Variants in AGBL4 observed in about 807,000 individuals in gnomAD.
AGBL4 encodes the protein cytosolic carboxypeptidase 6.
AGBL4 carries 58 observed loss-of-function variants against 66.4 expected under a neutral mutation model. The observed-to-expected ratio is 0.87, with a 90% CI of 0.71 to 1.09. The LOEUF is 1.09. Among genes scored for constraint, AGBL4 ranks in the 50% least tolerant of loss-of-function variants. The pLI is 0.00. For synonymous variants in AGBL4, 234 were observed against 222.9 expected (o/e 1.05, Z -0.44); for missense variants, 579 against 631.0 (o/e 0.92, Z 0.88).
At chr1:48,668,281 C>T (rs538427768) in intron 6 of AGBL4, among the ~76,000 whole-genome samples, 14 of 152,288 alleles carry the variant, frequency 9.2e-5, no homozygotes, top group Admixed American at 2.0e-4. Context: ...CACTGGTCTC[C>T]CTGTGCCAGC....
chr1:49,580,372 T>C (rs1644519320), intron 3 of AGBL4, among the ~76,000 whole-genome samples: 1 of 152,220 alleles, frequency 6.6e-6, no homozygotes, highest in African/African-American at 2.4e-5. Context: ...AGTTTACTAG[T>C]AGTTGTAAAA....
At chr1:48,966,061 C>A (rs12031495) in intron 5 of AGBL4, among the ~76,000 whole-genome samples, 11,834 of 152,090 alleles carry the variant, frequency 0.078, 590 homozygotes, top group Non-Finnish European at 0.1. Context: ...CATTTTTCTT[C>A]CCTGTAAAAT....
At chr1:48,794,273 C>T (rs188308048) in intron 6 of AGBL4, among the ~76,000 whole-genome samples, 1 of 152,282 alleles carries the variant, frequency 6.6e-6, no homozygotes, top group Admixed American at 6.5e-5. Context: ...CCTATGCTCT[C>T]CCACTGGATC....
chr1:49,871,449 T>G (rs1283822528), intron 1 of AGBL4, among the ~76,000 whole-genome samples: 1 of 150,482 alleles, frequency 6.6e-6, no homozygotes, highest in Non-Finnish European at 1.5e-5. Flanking sequence ...AGTGAATGAC[T>G]AATTATATAA....
chr1:48,785,765 A>G (rs1645393738), intron 6 of AGBL4, among the ~76,000 whole-genome samples: 2 of 152,204 alleles, frequency 1.3e-5, no homozygotes, highest in Non-Finnish European at 2.9e-5. Context: ...CCACAAGGCT[A>G]GAGTTCTTTC....
chr1:49,659,600 C>A (rs943804825), intron 3 of AGBL4, among the ~76,000 whole-genome samples: 5 of 152,026 alleles, frequency 3.3e-5, no homozygotes, highest in African/African-American at 1.2e-4. Context: ...AAGTGCTAAC[C>A]ATCCTAAGTA....
intron 3 of AGBL4, among the ~76,000 whole-genome samples, chr1:49,587,232 G>A (rs899691162): frequency 6.7e-6 from 1 of 149,200 alleles, no homozygotes; most frequent in Non-Finnish European, 1.5e-5. Context: ...GGCAACAAGA[G>A]TGAAATTCCA....
chr1:49,766,865 T>C (rs983383194), intron 2 of AGBL4, among the ~76,000 whole-genome samples: 2 of 151,856 alleles, frequency 1.3e-5, no homozygotes, highest in African/African-American at 4.8e-5. Flanking sequence ...AAAGGCACTA[T>C]GTAATTTAAA....
intron 3 of AGBL4, among the ~76,000 whole-genome samples, chr1:49,276,614 T>C (rs757811257): frequency 1.3e-5 from 2 of 152,204 alleles, no homozygotes; most frequent in Non-Finnish European, 2.9e-5. Context: ...AAAGGTCTGA[T>C]AGAAACACGT....
rs148153769 is a variant in AGBL4, at chr1:49,226,478, C to T, written c.377+19292G>A. ...TGAACCATCACCCATGTCTTACTAA[C>T]AACAAATCTCTATACCCTTCCTTAA... On this transcript the variant is annotated intron_variant, in intron 4 of 13. Coordinates refer to ENST00000371839, the MANE Select transcript of AGBL4 (RefSeq NM_032785.4). Among the ~76,000 whole-genome samples, 600 of 152,234 alleles carry T rather than the reference C, an allele frequency of 3.9e-3. 1 individual carries two copies. Among genetic ancestry groups the T allele is most frequent in the African/African-American group, 0.013 (559 of 41,540 alleles).
intron 2 of AGBL4, among the ~76,000 whole-genome samples, chr1:49,741,438 G>A (rs1418951977): frequency 3.3e-5 from 5 of 151,984 alleles, no homozygotes; most frequent in African/African-American, 1.2e-4. Flanking sequence ...AAGGCCAACA[G>A]CAAATGGATT....
chr1:49,860,944 C>G (rs1364761370), intron 1 of AGBL4, among the ~76,000 whole-genome samples: 1 of 152,110 alleles, frequency 6.6e-6, no homozygotes, highest in East Asian at 1.9e-4. Context: ...TGCGACCCCT[C>G]CCCAACCCAG....
At chr1:49,737,757 T>C (rs967671169) in intron 2 of AGBL4, among the ~76,000 whole-genome samples, 7 of 152,342 alleles carry the variant, frequency 4.6e-5, no homozygotes, top group East Asian at 1.9e-4. Flanking sequence ...TAGGATGACA[T>C]ATTCAGAGTG....
chr1:49,332,272 A>G (rs1186634755), intron 3 of AGBL4, among the ~76,000 whole-genome samples: 1 of 152,252 alleles, frequency 6.6e-6, no homozygotes, highest in Non-Finnish European at 1.5e-5. Context: ...GGAAAATACA[A>G]CTTACCAAAA....
chr1:49,834,487 G>C (rs1323398616), intron 2 of AGBL4, among the ~76,000 whole-genome samples: 2 of 151,968 alleles, frequency 1.3e-5, no homozygotes, highest in African/African-American at 2.4e-5. Context: ...TTCTTTATTA[G>C]TCTGGCTAGA....
At chr1:49,326,968 A>G (rs1028048151) in intron 3 of AGBL4, among the ~76,000 whole-genome samples, 15 of 152,132 alleles carry the variant, frequency 9.9e-5, no homozygotes, top group African/African-American at 3.6e-4. Context: ...TCTAGCTTCT[A>G]GAGTCTACCT....
chr1:49,110,423 A>C (rs548908110), intron 4 of AGBL4, among the ~76,000 whole-genome samples: 7 of 152,218 alleles, frequency 4.6e-5, no homozygotes, highest in Non-Finnish European at 1.0e-4. Context: ...CTCTAAAAAA[A>C]GTTCAGACCT....
intron 3 of AGBL4, among the ~76,000 whole-genome samples, chr1:49,371,558 A>G (rs1644345848): frequency 6.6e-6 from 1 of 152,138 alleles, no homozygotes; most frequent in Non-Finnish European, 1.5e-5. Context: ...GCAGAATTAC[A>G]TATACCTCCC....
At chr1:48,791,496 C>T (rs899433849) in intron 6 of AGBL4, among the ~76,000 whole-genome samples, 4 of 152,136 alleles carry the variant, frequency 2.6e-5, no homozygotes, top group African/African-American at 9.7e-5. Flanking sequence ...AAGAATGAGC[C>T]CAACCCATTT....
Sources: allele counts gnomAD v4.1 joint callset (sites outside exome capture counted in the v4.1 genomes callset), GRCh38; gene constraint gnomAD v4.1.1; transcripts MANE v1.5; gene names NCBI Gene and HGNC (gene_info 2026-07-23, HGNC 2026-07-21).